MEF2C: variants seen among roughly 807,000 people sequenced by gnomAD.
MEF2C encodes the protein myocyte enhancer factor 2C, also known as myocyte-specific enhancer factor 2C.
MEF2C carries 6 observed loss-of-function variants against 50.5 expected under a neutral mutation model. The ratio of observed to expected loss-of-function variants is 0.12; its 90% CI spans 0.07 to 0.23. The LOEUF is 0.23. Ranked by LOEUF, MEF2C falls within the 10% of genes least tolerant of loss-of-function variation. MEF2C has a pLI of 1.00. For synonymous variants in MEF2C, 183 were observed against 228.0 expected (o/e 0.80, Z 1.78); for missense variants, 276 against 605.0 (o/e 0.46, Z 5.70).
chr5:88,857,052 TG>T (rs369703097), intron 1 of MEF2C, among the ~76,000 whole-genome samples: 141 of 152,256 alleles, frequency 9.3e-4, no homozygotes, highest in Admixed American at 6.5e-3. Context: ...CAGCCAGGAT[TG>T]GGGGGCTGGG....
At chr5:88,786,874 A>T (rs1791183679) in intron 3 of MEF2C, among the ~76,000 whole-genome samples, 1 of 152,234 alleles carries the variant, frequency 6.6e-6, no homozygotes, top group Non-Finnish European at 1.5e-5. Flanking sequence ...AGGTGCTCAC[A>T]GTTGTAACTG....
intron 10 of MEF2C, among the ~76,000 whole-genome samples, chr5:88,726,277 C>T (rs1322024511): frequency 6.6e-6 from 1 of 152,030 alleles, no homozygotes; most frequent in Non-Finnish European, 1.5e-5. Context: ...GAATGTGAGC[C>T]CGCAACACAA....
rs1300269159 is a variant in MEF2C, at chr5:88,824,072, A to G, written c.-142-142T>C. The G allele has an allele frequency of 5.4e-6, 5 of 927,566 alleles. No individual in the cohort carries two copies. In the East Asian group the frequency reaches 2.0e-4, roughly 37 times the overall value. 57.5% of individuals were successfully genotyped at this position (927,566 alleles called of 1,614,324 possible). A position where few individuals can be genotyped will look rare whatever the true frequency, so the allele number is the denominator to read the frequency against. ...TAAAAATAACTTTTTTGTTAAAAAT[A>G]TATGGTATATCACAGACAGGAGCAG... On this transcript the variant is annotated intron_variant, in intron 1 of 10. Coordinates refer to ENST00000504921, the MANE Select transcript of MEF2C (RefSeq NM_002397.5).
intron 1 of MEF2C, among the ~76,000 whole-genome samples, chr5:88,875,381 C>T (rs928899371): frequency 3.3e-5 from 5 of 151,934 alleles, no homozygotes; most frequent in Non-Finnish European, 5.9e-5. Context: ...TGGAACGTTG[C>T]TATTTCCCGA....
intron 6 of MEF2C, chr5:88,740,487 A>G (rs1766132361): frequency 1.0e-6 from 1 of 983,248 alleles, no homozygotes; most frequent in African/African-American, 1.7e-5. Context: ...CTTTTGACAG[A>G]TGAGGAAACT....
At chr5:88,731,188 A>G (rs574175934) in intron 7 of MEF2C, among the ~76,000 whole-genome samples, 1 of 152,302 alleles carries the variant, frequency 6.6e-6, no homozygotes, top group African/African-American at 2.4e-5. Context: ...TTCATGAAGT[A>G]AATGTATGGA....
At chr5:88,897,792 T>G (rs1835267822) in intron 1 of MEF2C, among the ~76,000 whole-genome samples, 2 of 152,182 alleles carry the variant, frequency 1.3e-5, no homozygotes, top group South Asian at 4.1e-4. Flanking sequence ...TTGGGATCAC[T>G]AAATGTTAGT....
chr5:88,818,333 T>C (rs1012941237), intron 2 of MEF2C, among the ~76,000 whole-genome samples: 2 of 151,946 alleles, frequency 1.3e-5, no homozygotes, highest in African/African-American at 4.8e-5. Context: ...CATATATATG[T>C]TACTGTAAAA....
chr5:88,719,747 T>C lies in MEF2C; in HGVS notation c.*2857A>G, dbSNP rs1755665607. 1 of 152,212 alleles carries C rather than the reference T, an allele frequency of 6.6e-6. No homozygotes were observed. The highest frequency in any genetic ancestry group is 6.5e-5 in the Admixed American group (1 of 15,282). The allele number at this position is 152,212 out of a possible 1,614,324, so 9.4% of individuals were successfully genotyped here. A position where few individuals can be genotyped will look rare whatever the true frequency, so the allele number is the denominator to read the frequency against. ...TCATCAAAATCAAAATTGTGCTTCT[T>C]CTCATTAAATCATCTTTTAAAAATT... On this transcript the variant is annotated 3_prime_UTR_variant, in exon 11 of 11. Transcript: ENST00000504921.
intron 10 of MEF2C, 77 bp from the exon 11 acceptor site, chr5:88,723,002 C>A: frequency 7.9e-7 from 1 of 1,271,362 alleles, no homozygotes; most frequent in South Asian, 1.5e-5. Context: ...AATCAAACAT[C>A]AGCTTAAAGA....
At chr5:88,757,907 C>G (rs925394223) in intron 4 of MEF2C, among the ~76,000 whole-genome samples, 1 of 151,870 alleles carries the variant, frequency 6.6e-6, no homozygotes, top group Non-Finnish European at 1.5e-5. Context: ...CGGGGTGAGA[C>G]CCCGTCTCAA....
At chr5:88,852,914 CAA>C (rs1424404996) in intron 1 of MEF2C, among the ~76,000 whole-genome samples, 35 of 118,522 alleles carry the variant, frequency 3.0e-4, no homozygotes, top group East Asian at 2.3e-4. Context: ...GACTCTGTCT[CAA>C]AAAAAAAAAA....
At chr5:88,733,894 T>C in intron 6 of MEF2C, 2 of 985,388 alleles carry the variant, frequency 2.0e-6, no homozygotes, top group Non-Finnish European at 2.4e-6. Context: ...TAAGAAAACT[T>C]CTGGAATATT....
intron 4 of MEF2C, chr5:88,752,468 T>A (rs1462706820): frequency 2.5e-6 from 1 of 397,210 alleles, no homozygotes; most frequent in African/African-American, 2.2e-5. Flanking sequence ...GAAGCATATT[T>A]ATGTAGAAGT....
chr5:88,822,716 C>T (rs1808974612), intron 2 of MEF2C, among the ~76,000 whole-genome samples: 1 of 151,970 alleles, frequency 6.6e-6, no homozygotes. Flanking sequence ...CAATAGAGGA[C>T]ATGAGTGTCT....
intron 1 of MEF2C, chr5:88,839,122 G>A (rs1816300458): frequency 6.6e-6 from 1 of 152,072 alleles, no homozygotes; most frequent in Admixed American, 6.6e-5. Context: ...TACAGCATGA[G>A]GAAGTAATCG....
At chr5:88,863,613 T>C (rs1826226178) in intron 1 of MEF2C, among the ~76,000 whole-genome samples, 1 of 152,200 alleles carries the variant, frequency 6.6e-6, no homozygotes, top group South Asian at 2.1e-4. Context: ...ATTTTGTACC[T>C]GTTGACCTAT....
At chr5:88,729,123 A>C in intron 9 of MEF2C, 95 bp downstream of exon 9, 2 of 1,483,574 alleles carry the variant, frequency 1.3e-6, no homozygotes, top group Non-Finnish European at 1.9e-6. Flanking sequence ...CAGGCCCTAA[A>C]TAAAGCTTCC....
chr5:88,829,834 C>T (rs187908397), intron 1 of MEF2C, among the ~76,000 whole-genome samples: 1 of 152,018 alleles, frequency 6.6e-6, no homozygotes, highest in Non-Finnish European at 1.5e-5. Flanking sequence ...TTTCCTTGCC[C>T]TACCCATAAC....
Sources: allele counts gnomAD v4.1 joint callset (sites outside exome capture counted in the v4.1 genomes callset), GRCh38; gene constraint gnomAD v4.1.1; transcripts MANE v1.5; gene names NCBI Gene and HGNC (gene_info 2026-07-23, HGNC 2026-07-21).